ZNF354C: variants seen among roughly 807,000 people sequenced by gnomAD.
The protein encoded by ZNF354C is KRAB-zinc finger protein synten.
In ZNF354C, 7 loss-of-function variants were observed where a neutral mutation model predicts 12.4. The ratio of observed to expected loss-of-function variants is 0.56; its 90% CI spans 0.32 to 1.06. The LOEUF (loss-of-function observed/expected upper bound fraction) is 1.06, where lower values mean the gene tolerates loss of function less well. ZNF354C is among the 50% of genes least tolerant of loss of function. The pLI is 0.04. For missense variants in ZNF354C, 609 were observed against 658.0 expected, an observed-to-expected ratio of 0.93 and a Z score of 0.81; for synonymous variants, 202 against 224.5, an observed-to-expected ratio of 0.90 and a Z score of 0.90.
rs76706493 is a variant in ZNF354C, at chr5:179,082,702, T to A, written c.*2605T>A. Reference sequence around the variant, plus strand: ...TCAATGACACCAGCTTGACGGATCTTTCTTTCTGCACCAAACCCCATTGAG... The same window carrying A: ...TCAATGACACCAGCTTGACGGATCTATCTTTCTGCACCAAACCCCATTGAG... On this transcript the variant is annotated 3_prime_UTR_variant, in exon 5 of 5. Transcript: ENST00000315475. 0.082 allele frequency: 128,680 copies of A among 1,577,984 alleles called. 6,631 individuals are homozygous for A. The highest frequency in any genetic ancestry group is 0.2 in the African/African-American group (14,772 of 73,376).
At chr5:179,072,643 A>G (rs1762065703) in intron 2 of ZNF354C, among the ~76,000 whole-genome samples, 1 of 152,220 alleles carries the variant, frequency 6.6e-6, no homozygotes, top group Admixed American at 6.5e-5. Flanking sequence ...GTGACATGCA[A>G]TAGAAATATA....
rs376360911 is a variant in ZNF354C at position 179,075,142 on chromosome 5, C to G, written c.28-1303C>G. On this transcript the variant is annotated intron_variant, in intron 2 of 4. Coordinates refer to ENST00000315475, the MANE Select transcript of ZNF354C (RefSeq NM_014594.3). The stretch of plus-strand genomic sequence containing the variant: ...GGTGTGGTGGTGGGCGCCTGTAGTC[C>G]CAGCTACTCGGGAGGCTGAGGCAGG... Among the ~76,000 whole-genome samples the G allele has an allele frequency of 3.5e-4, 53 of 151,996 alleles. 1 individual carries two copies. In the East Asian group the frequency reaches 8.9e-3, roughly 26 times the overall value.
rs1160253476 is a variant in ZNF354C, at chr5:179,079,506, T to C, written c.1074T>C (p.Cys358=). The C allele has an allele frequency of 6.2e-7, 1 of 1,614,128 alleles. No homozygotes were observed. The highest frequency in any genetic ancestry group is 1.1e-5 in the South Asian group (1 of 91,074). Residue 358 remains cysteine, a synonymous_variant, in exon 5 of 5, where the codon TGT becomes TGC. Coordinates refer to ENST00000315475, the MANE Select transcript of ZNF354C (RefSeq NM_014594.3). The surrounding 1 kb of genome is among the most constrained non-coding windows in gnomAD (Gnocchi z 4.2). ...ATACAGGTGAGAAACCCTATAAATG[T>C]AGTGAGTGTGGGAAGGGATACAGCC... ...RIHTGEKPYK[C]SECGKGYSQF... is the part of the protein sequence containing the mutation.
intron 2 of ZNF354C, among the ~76,000 whole-genome samples, chr5:179,063,093 C>T (rs1761915752): frequency 6.6e-6 from 1 of 152,188 alleles, no homozygotes. Flanking sequence ...TCATTGACTC[C>T]TTTTCCAATA....
In ZNF354C at chr5:179,079,629, T is replaced by C. The variant is rs773811959; in HGVS notation, c.1197T>C (p.Leu399=). ...CGRTFTRIVT[L]IEHQRIHTGQ... is the part of the protein sequence containing the mutation. ...GAACCTTCACACGTATTGTAACCCT[T>C]ATCGAACATCAGCGAATTCACACTG... Residue 399 remains leucine (L), a synonymous_variant, in exon 5 of 5, where the codon CTT becomes CTC. Coordinates refer to ENST00000315475, the MANE Select transcript of ZNF354C (RefSeq NM_014594.3). This position sits in a 1 kb window ranked among gnomAD's most constrained non-coding sequence, Gnocchi z 4.2. 1 of 1,614,158 alleles carries C rather than the reference T, an allele frequency of 6.2e-7. No individual in the cohort carries two copies. Among genetic ancestry groups the C allele is most frequent in the East Asian group, 2.2e-5 (1 of 44,878 alleles).
Position 179,079,963 on chromosome 5 carries a change from C to G in ZNF354C, c.1531C>G (p.Leu511Val), listed in dbSNP as rs780221454. The change falls in exon 5 of 5, where the codon CTT (leucine) becomes GTT (valine). Residue 511 changes from leucine (L) to valine (V), a missense_variant. By Grantham distance (32) the Leu-to-Val change is conservative (BLOSUM62 1). Transcript: ENST00000315475. The surrounding 1 kb of genome is among the most constrained non-coding windows in gnomAD (Gnocchi z 4.2). ...CGKAYSYRSNLCRHKKVHTKE... is the reference protein window; with the variant it reads ...CGKAYSYRSNVCRHKKVHTKE... ...GAAAGCCTACAGTTACAGATCAAAC[C>G]TTTGTAGACACAAAAAAGTTCACAC... is the stretch of plus-strand genomic sequence containing the variant. 3 of 1,614,006 alleles carry G rather than the reference C, an allele frequency of 1.9e-6. No individual in the cohort carries two copies. Among genetic ancestry groups the G allele is most frequent in the Non-Finnish European group, 1.7e-6 (2 of 1,179,940 alleles).
chr5:179,062,234 A>G (rs1761903590), intron 2 of ZNF354C, 139 bp downstream of exon 2: 2 of 1,097,318 alleles, frequency 1.8e-6, no homozygotes, highest in Non-Finnish European at 2.7e-6. Context: ...AGTTTTTCCC[A>G]GTGTCTTGGG....
intron 2 of ZNF354C, among the ~76,000 whole-genome samples, chr5:179,071,309 G>C (rs1382562139): frequency 1.3e-5 from 2 of 151,888 alleles, no homozygotes; most frequent in Non-Finnish European, 2.9e-5. Flanking sequence ...TTCAGGTCTG[G>C]AGTTCTAGTA....
At position 179,079,811 on chromosome 5, in the gene ZNF354C, G is replaced by GA; in HGVS notation, c.1381dup (p.Ile461AsnfsTer11). ...AAATCTAACCTTTATAGGCATCAGAGAATTCATACTGGAGAGAAACCGTAT... is the reference window on the plus strand; with the variant it reads ...AAATCTAACCTTTATAGGCATCAGAGAAATTCATACTGGAGAGAAACCGTAT... On this transcript the variant is annotated frameshift_variant, in exon 5 of 5. Coordinates refer to ENST00000315475, the MANE Select transcript of ZNF354C (RefSeq NM_014594.3). LOFTEE classifies it low-confidence loss of function (END_TRUNC). The surrounding 1 kb of genome is among the most constrained non-coding windows in gnomAD (Gnocchi z 4.2). 4 of 1,614,080 alleles carry GA rather than the reference G, an allele frequency of 2.5e-6. No homozygotes were observed. Among genetic ancestry groups the GA allele is most frequent in the Middle Eastern group, 1.7e-4 (1 of 6,060 alleles).
intron 2 of ZNF354C, among the ~76,000 whole-genome samples, chr5:179,068,617 A>G (rs1356693347): frequency 2.0e-5 from 3 of 149,668 alleles, no homozygotes; most frequent in Non-Finnish European, 3.0e-5. Context: ...TTAAAAGAAA[A>G]AGAATGCTTT....
At chr5:179,066,538 T>C (rs191395185) in intron 2 of ZNF354C, among the ~76,000 whole-genome samples, 168 of 152,390 alleles carry the variant, frequency 1.1e-3, no homozygotes, top group Middle Eastern at 3.4e-3. Flanking sequence ...AAGGCAGGAC[T>C]GCTGGTAATG....
Position 179,082,507 on chromosome 5 carries a change from AT to A in ZNF354C, c.*2417del, listed in dbSNP as rs975938994. On this transcript the variant is annotated 3_prime_UTR_variant, in exon 5 of 5. Transcript: ENST00000315475. ...ATTTTAAAATGGTTTTCTTAAATTT[AT>A]TTTTTTAAACATAACACGAGGAAGC... is the stretch of plus-strand genomic sequence containing the variant. 12 of 583,390 alleles carry A rather than the reference AT, an allele frequency of 2.1e-5. No homozygotes were observed. Among genetic ancestry groups the A allele is most frequent in the African/African-American group, 1.1e-4 (6 of 53,378 alleles). 36.1% of individuals were successfully genotyped at this position (583,390 alleles called of 1,614,324 possible). A position where few individuals can be genotyped will look rare whatever the true frequency, so the allele number is the denominator to read the frequency against.
chr5:179,075,116 G>C lies in ZNF354C; in HGVS notation c.28-1329G>C, dbSNP rs534141889. Among the ~76,000 whole-genome samples the C allele has an allele frequency of 6.6e-4, 101 of 152,024 alleles. 4 individuals carry two copies. The South Asian group carries it at 0.02, about 31-fold the overall frequency. On this transcript the variant is annotated intron_variant, in intron 2 of 4. Transcript: ENST00000315475. Reference sequence around the variant, plus strand: ...CTACAAATATACAAAAAAATTAGCCGGGTGTGGTGGTGGGCGCCTGTAGTC... The same window carrying C: ...CTACAAATATACAAAAAAATTAGCCCGGTGTGGTGGTGGGCGCCTGTAGTC...
chr5:179,063,443 C>A (rs1324364420), intron 2 of ZNF354C, among the ~76,000 whole-genome samples: 1 of 152,094 alleles, frequency 6.6e-6, no homozygotes, highest in Non-Finnish European at 1.5e-5. Flanking sequence ...CCTATAGTCC[C>A]AGATACTAAG....
At position 179,081,247 on chromosome 5, in the gene ZNF354C, A is replaced by C. The variant is rs970438338; in HGVS notation, c.*1150A>C. On this transcript the variant is annotated 3_prime_UTR_variant, in exon 5 of 5. Transcript: ENST00000315475. ...CCTAATTATGCCTGCTTTTGTTATA[A>C]TTGTACTTAAATCCTTAAAGCTAGC... The C allele has an allele frequency of 1.1e-4, 17 of 152,162 alleles. No homozygotes were observed. Among genetic ancestry groups the C allele is most frequent in the African/African-American group, 3.9e-4 (16 of 41,446 alleles). 9.4% of individuals were successfully genotyped at this position (152,162 alleles called of 1,614,324 possible).
rs1762245861 is a variant in ZNF354C at position 179,082,727 on chromosome 5, G to A, written c.*2630G>A. ...TTCTTTCTGCACCAAACCCCATTGA[G>A]TTATCTGGTCCCCTTGGCTGACGAA... On this transcript the variant is annotated 3_prime_UTR_variant, in exon 5 of 5. Coordinates refer to ENST00000315475, the MANE Select transcript of ZNF354C (RefSeq NM_014594.3). 1 of 1,545,430 alleles carries A rather than the reference G, an allele frequency of 6.5e-7. No homozygotes were observed. Among genetic ancestry groups the A allele is most frequent in the Non-Finnish European group, 8.9e-7 (1 of 1,119,694 alleles).
In ZNF354C at chr5:179,076,496, T is replaced by C. The variant is rs1285241298; in HGVS notation, c.79T>C (p.Leu27=). The C allele has an allele frequency of 6.2e-7, 1 of 1,614,174 alleles. No individual in the cohort carries two copies. Among genetic ancestry groups the C allele is most frequent in the Admixed American group, 1.7e-5 (1 of 60,034 alleles). The stretch of plus-strand genomic sequence containing the variant: ...CGTGTTCTTCAGCCAGGACGAGTGG[T>C]TGCACCTGGACTCTGCCCAGAGGGC... ...VAVFFSQDEW[L]HLDSAQRALY... is the part of the protein sequence containing the mutation. Residue 27 remains leucine, a synonymous_variant, in exon 3 of 5, where the codon TTG becomes CTG. Coordinates refer to ENST00000315475, the MANE Select transcript of ZNF354C (RefSeq NM_014594.3).
intron 2 of ZNF354C, among the ~76,000 whole-genome samples, chr5:179,062,483 T>C (rs1317334633): frequency 2.6e-5 from 4 of 152,176 alleles, no homozygotes; most frequent in Non-Finnish European, 5.9e-5. Flanking sequence ...TATTGAGCCC[T>C]ATGTACAGGA....
chr5:179,078,694 T>C lies in ZNF354C; in HGVS notation c.262T>C (p.Trp88Arg). ...CTGATTCATTTTAGGTTTCAAGACTTGGCTTGAAACAGAAGCATTGCCTCA... is the reference window on the plus strand; with the variant it reads ...CTGATTCATTTTAGGTTTCAAGACTCGGCTTGAAACAGAAGCATTGCCTCA... ...PSDTRLGFKT[W>R]LETEALPHRQ... The change falls in exon 5 of 5, where the codon TGG becomes CGG. Residue 88 changes from tryptophan (W) to arginine (R), a missense_variant. By Grantham distance (101) the Trp-to-Arg change is moderately radical (BLOSUM62 -3). Coordinates refer to ENST00000315475, the MANE Select transcript of ZNF354C (RefSeq NM_014594.3). 1 of 1,587,240 alleles carries C rather than the reference T, an allele frequency of 6.3e-7. No homozygotes were observed. Among genetic ancestry groups the C allele is most frequent in the Non-Finnish European group, 8.6e-7 (1 of 1,169,272 alleles).
Sources: allele counts gnomAD v4.1 joint callset (sites outside exome capture counted in the v4.1 genomes callset), GRCh38; gene constraint gnomAD v4.1.1; non-coding constraint Gnocchi (gnomAD v3.1); transcripts MANE v1.5; gene names NCBI Gene and HGNC (gene_info 2026-07-23, HGNC 2026-07-21).